Variants in SSBP2 observed in about 807,000 individuals in gnomAD.
The protein encoded by SSBP2 is single stranded DNA binding protein 2, also known as single-stranded DNA-binding protein 2.
Under a neutral mutation model 61.8 loss-of-function variants are expected in SSBP2, and 17 were observed. That is an observed-to-expected ratio of 0.28 (90% CI 0.19 to 0.41). SSBP2 has a LOEUF of 0.41. SSBP2 is among the 10% of genes least tolerant of loss of function. The pLI is 1.00. For synonymous variants in SSBP2, 139 were observed against 141.3 expected, an observed-to-expected ratio of 0.98 and a Z score of 0.12; for missense variants, 310 against 458.7, an observed-to-expected ratio of 0.68 and a Z score of 2.96.
intron 4 of SSBP2, among the ~76,000 whole-genome samples, chr5:81,556,264 G>A (rs1772593338): frequency 6.6e-6 from 1 of 152,024 alleles, no homozygotes; most frequent in African/African-American, 2.4e-5. Flanking sequence ...CATTTCCAGT[G>A]GTCGTTGCCA....
At chr5:81,747,187 A>G (rs1757412540) in intron 1 of SSBP2, among the ~76,000 whole-genome samples, 1 of 152,224 alleles carries the variant, frequency 6.6e-6, no homozygotes, top group Non-Finnish European at 1.5e-5. Flanking sequence ...AGTCTGTCAC[A>G]TCTGATTATG....
intron 13 of SSBP2, 81 bp from the exon 14 acceptor site, chr5:81,440,717 C>T (rs988968398): frequency 7.2e-6 from 7 of 974,526 alleles, no homozygotes; most frequent in Non-Finnish European, 1.1e-5. Flanking sequence ...TTTAACATTA[C>T]AAGACACTGC....
At chr5:81,681,183 A>G (rs1275040323) in intron 1 of SSBP2, among the ~76,000 whole-genome samples, 1 of 152,182 alleles carries the variant, frequency 6.6e-6, no homozygotes, top group African/African-American at 2.4e-5. Flanking sequence ...CACAAGTCAA[A>G]GAAGAAATCT....
chr5:81,667,284 G>GATAC (rs1334472453), intron 1 of SSBP2, among the ~76,000 whole-genome samples: 1 of 95,132 alleles, frequency 1.1e-5, no homozygotes, highest in Non-Finnish European at 2.0e-5. Flanking sequence ...AAGGGATACA[G>GATAC]ATACACACAC....
At chr5:81,608,293 A>C (rs1044201287) in intron 4 of SSBP2, among the ~76,000 whole-genome samples, 2 of 151,950 alleles carry the variant, frequency 1.3e-5, no homozygotes, top group African/African-American at 4.8e-5. Context: ...ATTCTCATTC[A>C]TTATTTTCCA....
intron 15 of SSBP2, among the ~76,000 whole-genome samples, chr5:81,435,381 G>T (rs1184230657): frequency 2.0e-5 from 3 of 152,174 alleles, no homozygotes; most frequent in South Asian, 2.1e-4. Flanking sequence ...GACAGAGATC[G>T]TGTTTGTTGT....
intron 6 of SSBP2, among the ~76,000 whole-genome samples, chr5:81,474,848 A>G (rs1765483224): frequency 6.6e-6 from 1 of 152,204 alleles, no homozygotes; most frequent in Non-Finnish European, 1.5e-5. Context: ...CTTCCTGAGA[A>G]GTATTATGCC....
chr5:81,551,309 TAAC>T (rs1772171225), intron 4 of SSBP2, among the ~76,000 whole-genome samples: 1 of 152,112 alleles, frequency 6.6e-6, no homozygotes, highest in Non-Finnish European at 1.5e-5. Context: ...ATCTGCTTGA[TAAC>T]AATAAATCTG....
At chr5:81,742,415 T>C (rs1757086615) in intron 1 of SSBP2, among the ~76,000 whole-genome samples, 2 of 152,190 alleles carry the variant, frequency 1.3e-5, no homozygotes, top group Admixed American at 6.5e-5. Flanking sequence ...GATAGACTAT[T>C]GTGACATATT....
intron 5 of SSBP2, among the ~76,000 whole-genome samples, chr5:81,491,913 G>A (rs1023127340): frequency 2.6e-5 from 4 of 152,068 alleles, no homozygotes; most frequent in South Asian, 4.1e-4. Context: ...CTTCCCTTAT[G>A]TTATCTAGAT....
chr5:81,667,899 T>C lies in SSBP2; in HGVS notation c.63-17560A>G, dbSNP rs994579908. Among the ~76,000 whole-genome samples, 12 of 152,206 alleles carry C rather than the reference T, an allele frequency of 7.9e-5. No individual in the cohort carries two copies. In the South Asian group the frequency reaches 2.3e-3, roughly 29 times the overall value. ...TTATAGGTCTAATTTTGAAGTAGGA[T>C]CAATGGAAAGAGAAACGGTTGACTT... is the stretch of plus-strand genomic sequence containing the variant. On this transcript the variant is annotated intron_variant, in intron 1 of 16. Coordinates refer to ENST00000320672, the MANE Select transcript of SSBP2 (RefSeq NM_012446.5).
In SSBP2 at chr5:81,417,362, C is replaced by A. The variant is rs534478251; in HGVS notation, c.*3142G>T. ...GACACGTAGTTAAGAATCATACATACCCTCAGAAAGAATTTGACATGTATT... is the reference window on the plus strand; with the variant it reads ...GACACGTAGTTAAGAATCATACATAACCTCAGAAAGAATTTGACATGTATT... On this transcript the variant is annotated 3_prime_UTR_variant, in exon 17 of 17. Transcript: ENST00000320672. The A allele has an allele frequency of 1.3e-5, 2 of 152,224 alleles. No individual in the cohort carries two copies. The highest frequency in any genetic ancestry group is 2.9e-5 in the Non-Finnish European group (2 of 68,038). 9.4% of individuals were successfully genotyped at this position (152,224 alleles called of 1,614,324 possible). A position where few individuals can be genotyped will look rare whatever the true frequency, so the allele number is the denominator to read the frequency against.
At chr5:81,579,971 G>T (rs1395492123) in intron 4 of SSBP2, among the ~76,000 whole-genome samples, 1 of 152,018 alleles carries the variant, frequency 6.6e-6, no homozygotes, top group Non-Finnish European at 1.5e-5. Flanking sequence ...CTTAATTTCT[G>T]ATTGTACTTA....
chr5:81,698,400 A>C (rs1753734878), intron 1 of SSBP2, among the ~76,000 whole-genome samples: 1 of 152,242 alleles, frequency 6.6e-6, no homozygotes, highest in Non-Finnish European at 1.5e-5. Context: ...AGCACAAAAC[A>C]AAAAGGTAAG....
chr5:81,683,490 G>A (rs1376160472), intron 1 of SSBP2, among the ~76,000 whole-genome samples: 1 of 152,112 alleles, frequency 6.6e-6, no homozygotes, highest in East Asian at 1.9e-4. Context: ...ACTAAAAATG[G>A]ATCATATACC....
chr5:81,728,045 T>C (rs191993173), intron 1 of SSBP2, among the ~76,000 whole-genome samples: 1 of 152,190 alleles, frequency 6.6e-6, no homozygotes, highest in East Asian at 1.9e-4. Context: ...GAAAGAAGGC[T>C]ATGGGGGATC....
chr5:81,558,465 A>T (rs1051529932), intron 4 of SSBP2, among the ~76,000 whole-genome samples: 7 of 152,194 alleles, frequency 4.6e-5, no homozygotes, highest in Non-Finnish European at 1.0e-4. Flanking sequence ...TATTCCTAAC[A>T]CCTGGTGCAG....
chr5:81,567,168 A>G (rs1483697701), intron 4 of SSBP2, among the ~76,000 whole-genome samples: 3 of 152,230 alleles, frequency 2.0e-5, no homozygotes, highest in Non-Finnish European at 4.4e-5. Context: ...TCTCCAGGAC[A>G]TGTCAAAGGT....
chr5:81,597,517 C>G (rs1330513926), intron 4 of SSBP2, among the ~76,000 whole-genome samples: 1 of 152,090 alleles, frequency 6.6e-6, no homozygotes, highest in Non-Finnish European at 1.5e-5. Context: ...GGTATATACC[C>G]AAAGGATTAT....
Sources: gnomAD v4.1 joint callset for allele counts (sites outside exome capture counted in the v4.1 genomes callset) on GRCh38, gnomAD v4.1.1 for gene constraint, MANE v1.5 for transcripts, NCBI Gene and HGNC (gene_info 2026-07-23, HGNC 2026-07-21) for gene names.